TTC17: variants seen among roughly 807,000 people sequenced by gnomAD.
The protein encoded by TTC17 is tetratricopeptide repeat protein 17.
TTC17 carries 58 observed loss-of-function variants against 143.8 expected under a neutral mutation model. The observed-to-expected ratio is 0.40, with a 90% CI of 0.33 to 0.50. The LOEUF is 0.50. Ranked by LOEUF, TTC17 falls within the 20% of genes least tolerant of loss-of-function variation. TTC17 has a pLI of 0.49. For missense variants in TTC17, 1,273 were observed against 1,392.5 expected, an observed-to-expected ratio of 0.91 and a Z score of 1.37; for synonymous variants, 501 against 497.8, an observed-to-expected ratio of 1.01 and a Z score of -0.09.
chr11:43,490,324 G>A lies in TTC17; in HGVS notation c.3116G>A (p.Arg1039His), dbSNP rs978056362. The change falls in exon 22 of 24, where the codon CGC becomes CAC. Residue 1039 changes from arginine to histidine, a missense_variant. By Grantham distance (29) the Arg-to-His change is conservative (BLOSUM62 0). Around this residue, in one of 3 missense-constraint regions of TTC17, gnomAD observed 878 missense variants for 899.8 expected, o/e 0.98. Transcript: ENST00000039989. ...GQGKKAIDCL[R>H]QALHYAPHQM... is the part of the protein sequence containing the mutation. ...GGAAAGAAGGCAATCGACTGCCTCCGCCAGGCTCTGCACTATGCGCCACAC... is the reference window on the plus strand; with the variant it reads ...GGAAAGAAGGCAATCGACTGCCTCCACCAGGCTCTGCACTATGCGCCACAC... The A allele has an allele frequency of 4.3e-6, 7 of 1,612,680 alleles. No individual in the cohort carries two copies. The highest frequency in any genetic ancestry group is 2.2e-5 in the East Asian group (1 of 44,864).
intron 21 of TTC17, among the ~76,000 whole-genome samples, chr11:43,468,909 TA>T (rs1948035052): frequency 6.6e-6 from 1 of 151,992 alleles, no homozygotes; most frequent in Non-Finnish European, 1.5e-5. Context: ...TAAAAAAAAA[TA>T]AAATGTATCT....
At chr11:43,444,439 GGAA>G in intron 18 of TTC17, 1 of 330,948 alleles carries the variant, frequency 3.0e-6, no homozygotes, top group South Asian at 1.2e-4. Flanking sequence ...AAATCATAAA[GGAA>G]GAAAAATTAG....
intron 21 of TTC17, 111 bp downstream of exon 21, chr11:43,451,376 G>C: frequency 1.1e-6 from 1 of 884,592 alleles, no homozygotes; most frequent in Non-Finnish European, 1.8e-6. Flanking sequence ...TTAGCACTTG[G>C]TGGCTAAAAG....
chr11:43,402,154 A>G (rs902927466), intron 10 of TTC17, among the ~76,000 whole-genome samples: 2 of 152,186 alleles, frequency 1.3e-5, no homozygotes, highest in Non-Finnish European at 2.9e-5. Flanking sequence ...AAATATTTAT[A>G]TGCACATGCA....
At chr11:43,373,191 A>G (rs1856635801) in intron 1 of TTC17, among the ~76,000 whole-genome samples, 1 of 152,038 alleles carries the variant, frequency 6.6e-6, no homozygotes, top group Non-Finnish European at 1.5e-5. Context: ...TCTAAAAAAG[A>G]TTTTCTTAGT....
At chr11:43,465,439 A>G (rs1327301327) in intron 21 of TTC17, among the ~76,000 whole-genome samples, 2 of 152,262 alleles carry the variant, frequency 1.3e-5, no homozygotes, top group African/African-American at 4.8e-5. Flanking sequence ...AATAACAATG[A>G]TAATTGTTCA....
At chr11:43,365,986 CTT>C (rs879674198) in intron 1 of TTC17, among the ~76,000 whole-genome samples, 5 of 143,960 alleles carry the variant, frequency 3.5e-5, no homozygotes, top group East Asian at 2.0e-4. Context: ...GATTTAAGAC[CTT>C]TTTTTTTTTT....
chr11:43,428,819 C>T (rs1172968011), intron 16 of TTC17, among the ~76,000 whole-genome samples: 5 of 152,168 alleles, frequency 3.3e-5, no homozygotes, highest in African/African-American at 1.2e-4. Context: ...ACATACTTTT[C>T]TTTCTTTCCT....
At chr11:43,406,254 A>C (rs1299991944) in intron 13 of TTC17, among the ~76,000 whole-genome samples, 1 of 152,198 alleles carries the variant, frequency 6.6e-6, no homozygotes, top group Non-Finnish European at 1.5e-5. Context: ...AATGCAGGCC[A>C]TTGCAACCAC....
In TTC17 at chr11:43,396,720, G is replaced by A. The variant is rs141730844; in HGVS notation, c.675G>A (p.Ser225=). ...TTTTTAATCTCTAGAACACTTCCTC[G>A]TGGGTACTGTATAACATGGCTTCAT... The part of the protein sequence containing the change: ...IHEGLQKNTS[S]WVLYNMASFY... The change falls in exon 6 of 24, where the codon TCG becomes TCA. Residue 225 remains serine, a synonymous_variant. Transcript: ENST00000039989. 18 of 1,582,142 alleles carry A rather than the reference G, an allele frequency of 1.1e-5. No individual in the cohort carries two copies. The highest frequency in any genetic ancestry group is 1.7e-4 in the Middle Eastern group (1 of 5,952).
At chr11:43,421,313 G>C (rs1055613017) in intron 16 of TTC17, among the ~76,000 whole-genome samples, 1 of 152,172 alleles carries the variant, frequency 6.6e-6, no homozygotes, top group Non-Finnish European at 1.5e-5. Context: ...AGCAAGGAGG[G>C]CTTTCCATCT....
intron 23 of TTC17, 33 bp downstream of exon 23, chr11:43,492,196 T>G: frequency 6.3e-7 from 1 of 1,597,778 alleles, no homozygotes; most frequent in East Asian, 2.3e-5. Flanking sequence ...ATGTACCAAC[T>G]CTGCCAAACA....
At chr11:43,412,123 T>G (rs1360403494) in intron 15 of TTC17, among the ~76,000 whole-genome samples, 1 of 152,214 alleles carries the variant, frequency 6.6e-6, no homozygotes, top group Non-Finnish European at 1.5e-5. Flanking sequence ...TTGGGCTGCT[T>G]ATGAAAACAA....
chr11:43,360,601 A>G (rs1856062163), intron 1 of TTC17, among the ~76,000 whole-genome samples: 1 of 152,074 alleles, frequency 6.6e-6, no homozygotes, highest in Non-Finnish European at 1.5e-5. Flanking sequence ...TCTCCTTCCC[A>G]TTTTGGTGTC....
chr11:43,430,707 A>ACG (rs1364810127), intron 16 of TTC17, among the ~76,000 whole-genome samples: 186 of 111,806 alleles, frequency 1.7e-3, no homozygotes, highest in Middle Eastern at 8.5e-3. Context: ...CCCTACATAC[A>ACG]CGCACACACA....
At position 43,397,330 on chromosome 11, in the gene TTC17, T is replaced by C. The variant is rs778877402; in HGVS notation, c.774-17T>C. 5.6e-6 allele frequency: 9 copies of C among 1,600,620 alleles called. No homozygotes were observed. In the South Asian group the frequency reaches 1.0e-4, roughly 18 times the overall value. On this transcript the variant is annotated splice_polypyrimidine_tract_variant and intron_variant, in intron 6 of 23. Transcript: ENST00000039989. ...AGTGGTTCTACATAATCATGGAATA[T>C]GTGCTGCTTTCCTTAGGCACAATAA...
At chr11:43,380,530 C>T (rs113985136) in intron 2 of TTC17, among the ~76,000 whole-genome samples, 14,085 of 152,038 alleles carry the variant, frequency 0.093, 802 homozygotes, top group Middle Eastern at 0.16. Flanking sequence ...GCTGGGATTA[C>T]AGGCATGAGT....
At chr11:43,488,059 T>C (rs920472436) in intron 21 of TTC17, among the ~76,000 whole-genome samples, 1 of 152,214 alleles carries the variant, frequency 6.6e-6, no homozygotes, top group African/African-American at 2.4e-5. Context: ...TGGGGGAACA[T>C]AGTTCAACCC....
At chr11:43,448,280 C>T (rs957509531) in intron 19 of TTC17, among the ~76,000 whole-genome samples, 158 bp downstream of exon 19, 4 of 152,158 alleles carry the variant, frequency 2.6e-5, no homozygotes, top group African/African-American at 9.7e-5. Context: ...CAGGTGGACC[C>T]AACCCATTGT....
Sources: gnomAD v4.1 joint callset for allele counts (sites outside exome capture counted in the v4.1 genomes callset) on GRCh38, gnomAD v4.1.1 for gene constraint, gnomAD v4.1.1 regional missense constraint, MANE v1.5 for transcripts, NCBI Gene and HGNC (gene_info 2026-07-23, HGNC 2026-07-21) for gene names.